Variants in TMTC2 observed in about 807,000 individuals in gnomAD.
TMTC2 encodes the protein transmembrane O-mannosyltransferase targeting cadherins 2, also known as protein O-mannosyl-transferase TMTC2.
In TMTC2, 43 loss-of-function variants were observed where a neutral mutation model predicts 82.4. The observed-to-expected ratio is 0.52, with a 90% CI of 0.41 to 0.67. The LOEUF is 0.67. Among genes scored for constraint, TMTC2 ranks in the 30% least tolerant of loss-of-function variants. The probability of loss-of-function intolerance (pLI) is 0.00; values close to 1 mark genes in which losing one functional copy is unlikely to be tolerated. For synonymous variants in TMTC2, 408 were observed against 381.9 expected, an observed-to-expected ratio of 1.07 and a Z score of -0.80; for missense variants, 919 against 1,012.4, an observed-to-expected ratio of 0.91 and a Z score of 1.25.
At chr12:82,696,964 G>GTGTATATATATATATATATATATA (rs374532592) in intron 1 of TMTC2, among the ~76,000 whole-genome samples, 158 of 141,512 alleles carry the variant, frequency 1.1e-3, no homozygotes, top group South Asian at 4.4e-3. Flanking sequence ...ACATACATAC[G>GTGTATATATATATATATATATATA]TATATATATA....
At chr12:82,854,052 C>T (rs925281593) in intron 1 of TMTC2, among the ~76,000 whole-genome samples, 2 of 151,292 alleles carry the variant, frequency 1.3e-5, no homozygotes, top group East Asian at 1.9e-4. Context: ...TTTAATAGAT[C>T]CAGAATAACA....
At chr12:83,043,949 G>A (rs191754268) in intron 9 of TMTC2, among the ~76,000 whole-genome samples, 208 of 152,236 alleles carry the variant, frequency 1.4e-3, no homozygotes, top group Admixed American at 2.2e-3. Flanking sequence ...TATATTTGAA[G>A]GTATGATTGA....
At chr12:82,748,074 G>T (rs747521811) in intron 1 of TMTC2, among the ~76,000 whole-genome samples, 16 of 152,208 alleles carry the variant, frequency 1.1e-4, no homozygotes, top group Non-Finnish European at 2.2e-4. Context: ...ACTTTGGGAG[G>T]CTGAGGCGGG....
At chr12:82,805,559 G>A (rs1386248450) in intron 1 of TMTC2, among the ~76,000 whole-genome samples, 5 of 138,926 alleles carry the variant, frequency 3.6e-5, no homozygotes, top group Non-Finnish European at 7.6e-5. Flanking sequence ...CCAGGCTGGA[G>A]TGAAGTGGCG....
At chr12:82,738,295 T>G (rs1393066565) in intron 1 of TMTC2, among the ~76,000 whole-genome samples, 3 of 152,336 alleles carry the variant, frequency 2.0e-5, no homozygotes, top group Non-Finnish European at 2.9e-5. Context: ...GAATTGGGGA[T>G]GTCATGGAGG....
chr12:82,784,999 A>C (rs1173703414), intron 1 of TMTC2, among the ~76,000 whole-genome samples: 1 of 152,068 alleles, frequency 6.6e-6, no homozygotes. Flanking sequence ...AATTGGGAAT[A>C]ATAAGAGTGA....
Position 82,896,231 on chromosome 12 carries a change from A to G in TMTC2, c.1068A>G (p.Ser356=). Residue 356 remains serine, a synonymous_variant, in exon 3 of 12, where the codon TCA becomes TCG. Coordinates refer to ENST00000321196, the MANE Select transcript of TMTC2 (RefSeq NM_152588.3). The part of the protein sequence containing the change: ...KQNANGHSCL[S]DVEYQNSETK... ...ATGCAAATGGACATAGCTGCCTTTC[A>G]GATGTGGAGTACCAGAACTCAGAGA... The G allele has an allele frequency of 6.2e-7, 1 of 1,614,118 alleles. No homozygotes were observed. Among genetic ancestry groups the G allele is most frequent in the African/African-American group, 1.3e-5 (1 of 75,030 alleles).
At chr12:83,088,069 G>C (rs1219785740) in intron 11 of TMTC2, among the ~76,000 whole-genome samples, 1 of 152,202 alleles carries the variant, frequency 6.6e-6, no homozygotes, top group Non-Finnish European at 1.5e-5. Context: ...AGATCTTCAA[G>C]ATAACTTGCT....
chr12:83,051,435 G>T (rs1368982490), intron 10 of TMTC2, among the ~76,000 whole-genome samples: 1 of 152,054 alleles, frequency 6.6e-6, no homozygotes, highest in Non-Finnish European at 1.5e-5. Flanking sequence ...CATGTGTAGG[G>T]CATATGAGTT....
At chr12:82,692,605 T>C (rs1872624778) in intron 1 of TMTC2, among the ~76,000 whole-genome samples, 1 of 152,248 alleles carries the variant, frequency 6.6e-6, no homozygotes. Flanking sequence ...AACTTTATTA[T>C]ACTCATCTGA....
intron 1 of TMTC2, among the ~76,000 whole-genome samples, chr12:82,799,738 C>A (rs1259414448): frequency 6.6e-6 from 1 of 152,108 alleles, no homozygotes; most frequent in Non-Finnish European, 1.5e-5. Flanking sequence ...CACATTTCCC[C>A]TTTTTATAAG....
Position 82,857,448 on chromosome 12 carries a change from G to C in TMTC2, c.522G>C (p.Gly174=). ...CCAGAACCTGGGGCTGGTTCCTGGG[G>C]TCAGGACTGTGCGCAGGATGCAGCA... ...YSARTWGWFL[G]SGLCAGCSML... is the part of the protein sequence containing the mutation. Residue 174 remains glycine, a synonymous_variant, in exon 2 of 12, where the codon GGG becomes GGC. Coordinates refer to ENST00000321196, the MANE Select transcript of TMTC2 (RefSeq NM_152588.3). 1 of 1,614,198 alleles carries C rather than the reference G, an allele frequency of 6.2e-7. No homozygotes were observed. Among genetic ancestry groups the C allele is most frequent in the Non-Finnish European group, 8.5e-7 (1 of 1,180,038 alleles).
intron 8 of TMTC2, among the ~76,000 whole-genome samples, chr12:83,021,714 A>T (rs761282120): frequency 6.6e-5 from 10 of 152,116 alleles, no homozygotes; most frequent in Non-Finnish European, 1.2e-4. Context: ...ATTTCTCATT[A>T]CTTCCACTGC....
intron 8 of TMTC2, among the ~76,000 whole-genome samples, chr12:83,001,115 G>A (rs562963940): frequency 1.1e-3 from 173 of 152,254 alleles, no homozygotes; most frequent in Non-Finnish European, 2.2e-3. Context: ...TCTCTGACAC[G>A]CCCTGAAGAC....
chr12:83,087,223 G>C (rs1245774939), intron 11 of TMTC2, among the ~76,000 whole-genome samples: 2 of 152,132 alleles, frequency 1.3e-5, no homozygotes, highest in Non-Finnish European at 1.5e-5. Flanking sequence ...ATCCATTCAA[G>C]TTTTTTCCTG....
At chr12:83,023,215 A>G (rs1483253183) in intron 8 of TMTC2, among the ~76,000 whole-genome samples, 2 of 152,160 alleles carry the variant, frequency 1.3e-5, no homozygotes, top group African/African-American at 4.8e-5. Context: ...TATTTGGGAA[A>G]TTTTTTAATA....
In TMTC2 at chr12:83,132,327, T is replaced by A; in HGVS notation, c.2449T>A (p.Ser817Thr). 6.2e-7 allele frequency: 1 copy of A among 1,614,016 alleles called. No individual in the cohort carries two copies. The change falls in exon 12 of 12, where the codon TCC (serine) becomes ACC (threonine). Residue 817 changes from serine to threonine, a missense_variant. Physicochemically the swap from Ser to Thr is moderately conservative, Grantham distance 58 (BLOSUM62 1). Coordinates refer to ENST00000321196, the MANE Select transcript of TMTC2 (RefSeq NM_152588.3). ...QLKPDDVITQ[S>T]NLRKLWNIME... ...CAAGCCAGACGATGTCATCACACAG[T>A]CCAATCTCCGCAAACTGTGGAACAT...
At chr12:82,840,990 G>T (rs895287663) in intron 1 of TMTC2, among the ~76,000 whole-genome samples, 1 of 152,076 alleles carries the variant, frequency 6.6e-6, no homozygotes, top group Non-Finnish European at 1.5e-5. Flanking sequence ...ATGTTGGCCA[G>T]GCTGGTCTCA....
chr12:82,742,985 A>G (rs575778682), intron 1 of TMTC2, among the ~76,000 whole-genome samples: 4 of 151,646 alleles, frequency 2.6e-5, no homozygotes, highest in Non-Finnish European at 5.9e-5. Flanking sequence ...GACAGTTTTC[A>G]TTGTGTTTAT....
Sources: allele counts gnomAD v4.1 joint callset (sites outside exome capture counted in the v4.1 genomes callset), GRCh38; gene constraint gnomAD v4.1.1; transcripts MANE v1.5; gene names NCBI Gene and HGNC (gene_info 2026-07-23, HGNC 2026-07-21).